The following GJD2 variants were observed in gnomAD, a reference collection of about 807,000 sequenced individuals.
GJD2 encodes gap junction delta-2 protein.
A neutral mutation model predicts 24.3 loss-of-function variants in GJD2; 12 were observed. The ratio of observed to expected loss-of-function variants is 0.49; its 90% CI spans 0.32 to 0.80. The LOEUF (loss-of-function observed/expected upper bound fraction) is 0.80. Among genes scored for constraint, GJD2 ranks in the 30% least tolerant of loss-of-function variants. The pLI, the probability that GJD2 is intolerant of heterozygous loss-of-function variation, is 0.04. For synonymous variants in GJD2, 171 were observed against 155.2 expected (o/e 1.10, Z -0.76); for missense variants, 268 against 402.4 (o/e 0.67, Z 2.86).
chr15:34,754,391 C>A lies in GJD2; in HGVS notation c.71+27G>T, dbSNP rs1891155049. 1 of 1,599,868 alleles carries A rather than the reference C, an allele frequency of 6.3e-7. No homozygotes were observed. Among genetic ancestry groups the A allele is most frequent in the African/African-American group, 1.3e-5 (1 of 74,640 alleles). ...CTCCCGGGGGCCGCCCGACGGGGCC[C>A]CCTGACCGCCGGCTTGGCGCCCTTA... On this transcript the variant is annotated intron_variant, in intron 1 of 1. Coordinates refer to ENST00000290374, the MANE Select transcript of GJD2 (RefSeq NM_020660.3). This position sits in a 1 kb window ranked among gnomAD's most constrained non-coding sequence, Gnocchi z 5.9.
At position 34,754,831 on chromosome 15, in the gene GJD2, G is replaced by A. The variant is rs1891160780; in HGVS notation, c.-343C>T. The A allele has an allele frequency of 8.1e-6, 2 of 246,460 alleles. No individual in the cohort carries two copies. The highest frequency in any genetic ancestry group is 1.6e-5 in the Non-Finnish European group (2 of 127,510). 15.3% of individuals were successfully genotyped at this position (246,460 alleles called of 1,614,324 possible). Reference sequence around the variant, plus strand: ...CCTGCAGGTCCTCCAGCGCTCGCCCGCCCAGGAGAAGTCTCAGCGCCGCTC... The same window carrying A: ...CCTGCAGGTCCTCCAGCGCTCGCCCACCCAGGAGAAGTCTCAGCGCCGCTC... On this transcript the variant is annotated 5_prime_UTR_variant, in exon 1 of 2. Transcript: ENST00000290374. This position sits in a 1 kb window ranked among gnomAD's most constrained non-coding sequence, Gnocchi z 5.9.
rs181347763 is a variant in GJD2 at position 34,752,171 on chromosome 15, A to G, written c.*307T>C. On this transcript the variant is annotated 3_prime_UTR_variant, in exon 2 of 2. Transcript: ENST00000290374. The stretch of plus-strand genomic sequence containing the variant: ...AAAGAGCTCAGCAGGGCTAAGTCCT[A>G]CTTGGTAGCTGTGCAAGTTCAGTGT... 183 of 368,126 alleles carry G rather than the reference A, an allele frequency of 5.0e-4. No individual in the cohort carries two copies. The highest frequency in any genetic ancestry group is 3.5e-3 in the African/African-American group (172 of 49,468). The allele number at this position is 368,126 out of a possible 1,614,324, so 22.8% of individuals were successfully genotyped here.
chr15:34,753,579 T>C (rs1333009769), intron 1 of GJD2, among the ~76,000 whole-genome samples: 1 of 152,172 alleles, frequency 6.6e-6, no homozygotes, highest in East Asian at 1.9e-4. Flanking sequence ...ATATTTCATA[T>C]TATAGAGATC....
At position 34,752,597 on chromosome 15, in the gene GJD2, C is replaced by A. The variant is rs1334045483; in HGVS notation, c.847G>T (p.Ala283Ser). ...CTCTTGGCCTGAGCCCCTCGCACAG[C>A]CAGCTTGATCTTGCGCCATCCCAGG... ...NHLGWRKIKL[A>S]VRGAQAKRKS... The change falls in exon 2 of 2, where the codon GCT (alanine) becomes TCT (serine). Residue 283 changes from alanine (A) to serine (S), a missense_variant. By Grantham distance (99) the Ala-to-Ser change is moderately conservative (BLOSUM62 1). Coordinates refer to ENST00000290374, the MANE Select transcript of GJD2 (RefSeq NM_020660.3). The A allele has an allele frequency of 1.2e-6, 2 of 1,614,126 alleles. No individual in the cohort carries two copies. Among genetic ancestry groups the A allele is most frequent in the Admixed American group, 1.7e-5 (1 of 60,014 alleles).
Position 34,754,678 on chromosome 15 carries a change from A to C in GJD2, c.-190T>G. ...TAAAAGAGAAGAAATGGGGAAAGAA[A>C]TCCAAGCGCGTCCCGACCGATGGGG... On this transcript the variant is annotated 5_prime_UTR_variant, in exon 1 of 2. Coordinates refer to ENST00000290374, the MANE Select transcript of GJD2 (RefSeq NM_020660.3). The surrounding 1 kb of genome is among the most constrained non-coding windows in gnomAD (Gnocchi z 5.9). 3.4e-6 allele frequency: 2 copies of C among 583,380 alleles called. No individual in the cohort carries two copies. Among genetic ancestry groups the C allele is most frequent in the Non-Finnish European group, 3.1e-6 (1 of 318,232 alleles). The allele number at this position is 583,380 out of a possible 1,614,324, so 36.1% of individuals were successfully genotyped here. A position where few individuals can be genotyped will look rare whatever the true frequency, so the allele number is the denominator to read the frequency against.
In GJD2 at chr15:34,752,916, T is replaced by C. The variant is rs140199581; in HGVS notation, c.528A>G (p.Pro176=). 100 of 1,614,144 alleles carry C rather than the reference T, an allele frequency of 6.2e-5. No homozygotes were observed. In the African/African-American group the frequency reaches 9.9e-4, roughly 16 times the overall value. The change falls in exon 2 of 2, where the codon CCA becomes CCG. Residue 176 remains proline (P), a synonymous_variant. Transcript: ENST00000290374. ...PDCLEVKELT[P]HPSGLRTASK... ...ATGCAGTGCGTAGACCTGATGGGTG[T>C]GGAGTCAGCTCCTTAACCTCTAAAC... is the stretch of plus-strand genomic sequence containing the variant.
rs779276306 is a variant in GJD2 at position 34,751,034 on chromosome 15, T to G, written c.*1444A>C. Reference sequence around the variant, plus strand: ...TCAAAAAGTGCAGACTCTTCCCATTTTACAAAAAAAGGCAAGAACTTTATT... The same window carrying G: ...TCAAAAAGTGCAGACTCTTCCCATTGTACAAAAAAAGGCAAGAACTTTATT... On this transcript the variant is annotated 3_prime_UTR_variant, in exon 2 of 2. Coordinates refer to ENST00000290374, the MANE Select transcript of GJD2 (RefSeq NM_020660.3). The G allele has an allele frequency of 6.6e-6, 1 of 152,170 alleles. No individual in the cohort carries two copies. Among genetic ancestry groups the G allele is most frequent in the Non-Finnish European group, 1.5e-5 (1 of 68,016 alleles). 9.4% of individuals were successfully genotyped at this position (152,170 alleles called of 1,614,324 possible). A position where few individuals can be genotyped will look rare whatever the true frequency, so the allele number is the denominator to read the frequency against.
In GJD2 at chr15:34,752,255, T is replaced by C; in HGVS notation, c.*223A>G. The C allele has an allele frequency of 1.8e-6, 1 of 566,492 alleles. No individual in the cohort carries two copies. The highest frequency in any genetic ancestry group is 2.3e-5 in the South Asian group (1 of 43,508). The allele number at this position is 566,492 out of a possible 1,614,324, so 35.1% of individuals were successfully genotyped here. On this transcript the variant is annotated 3_prime_UTR_variant, in exon 2 of 2. Coordinates refer to ENST00000290374, the MANE Select transcript of GJD2 (RefSeq NM_020660.3). ...GACCAAAGAAGTCTAATTGATCCAT[T>C]TCATCACTCTACCCAATCGTCTCTG...
In GJD2 at chr15:34,751,089, C is replaced by A. The variant is rs1269633598; in HGVS notation, c.*1389G>T. The A allele has an allele frequency of 6.6e-6, 1 of 152,128 alleles. No individual in the cohort carries two copies. Among genetic ancestry groups the A allele is most frequent in the South Asian group, 2.1e-4 (1 of 4,830 alleles). The allele number at this position is 152,128 out of a possible 1,614,324, so 9.4% of individuals were successfully genotyped here. A position where few individuals can be genotyped will look rare whatever the true frequency, so the allele number is the denominator to read the frequency against. Reference sequence around the variant, plus strand: ...ACAAATCCTTAGTTGTGTGTTACACCATGTCCATATCTAAATCAAAAATGA... The same window carrying A: ...ACAAATCCTTAGTTGTGTGTTACACAATGTCCATATCTAAATCAAAAATGA... On this transcript the variant is annotated 3_prime_UTR_variant, in exon 2 of 2. Transcript: ENST00000290374.
chr15:34,753,470 T>G (rs1891141522), intron 1 of GJD2, 98 bp from the exon 2 acceptor site: 1 of 1,121,738 alleles, frequency 8.9e-7, no homozygotes, highest in Admixed American at 2.4e-5. Context: ...TTTACCAGTC[T>G]TTTGACTGGG....
intron 1 of GJD2, 103 bp from the exon 2 acceptor site, chr15:34,753,475 A>C: frequency 9.4e-7 from 1 of 1,060,146 alleles, no homozygotes; most frequent in East Asian, 2.5e-5. Context: ...CAGTCTTTTG[A>C]CTGGGGAGCT....
At chr15:34,753,394 G>C (rs1891140505) in intron 1 of GJD2, 22 bp from the exon 2 acceptor site, 2 of 1,569,922 alleles carry the variant, frequency 1.3e-6, no homozygotes, top group African/African-American at 2.7e-5. Context: ...AAGAGGGAGG[G>C]AGAGAGGTTC....
In GJD2 at chr15:34,754,417, C is replaced by A. The variant is rs1891155519; in HGVS notation, c.71+1G>T. On this transcript the variant is annotated splice_donor_variant, in intron 1 of 1. Coordinates refer to ENST00000290374, the MANE Select transcript of GJD2 (RefSeq NM_020660.3). LOFTEE classifies it high-confidence loss of function. The surrounding 1 kb of genome is among the most constrained non-coding windows in gnomAD (Gnocchi z 5.9). ...CCTGACCGCCGGCTTGGCGCCCTTA[C>A]CTCCCGATCATAGTGGAGTGCTGCT... 1 of 1,613,346 alleles carries A rather than the reference C, an allele frequency of 6.2e-7. No individual in the cohort carries two copies. Among genetic ancestry groups the A allele is most frequent in the African/African-American group, 1.3e-5 (1 of 75,020 alleles).
Position 34,752,304 on chromosome 15 carries a change from A to C in GJD2, c.*174T>G. On this transcript the variant is annotated 3_prime_UTR_variant, in exon 2 of 2. Coordinates refer to ENST00000290374, the MANE Select transcript of GJD2 (RefSeq NM_020660.3). ...TGTAGAACCAATTAGGTGATATGTGAAAATGGGTCCACTTTTCCTCCTTTC... is the reference window on the plus strand; with the variant it reads ...TGTAGAACCAATTAGGTGATATGTGCAAATGGGTCCACTTTTCCTCCTTTC... 1 of 614,382 alleles carries C rather than the reference A, an allele frequency of 1.6e-6. No homozygotes were observed. Among genetic ancestry groups the C allele is most frequent in the South Asian group, 2.0e-5 (1 of 49,032 alleles). 38.1% of individuals were successfully genotyped at this position (614,382 alleles called of 1,614,324 possible).
In GJD2 at chr15:34,753,228, G is replaced by C. The variant is rs541884751; in HGVS notation, c.216C>G (p.Pro72=). Residue 72 remains proline, a synonymous_variant, in exon 2 of 2, where the codon CCC becomes CCG. Coordinates refer to ENST00000290374, the MANE Select transcript of GJD2 (RefSeq NM_020660.3). ...CNQACYDRAF[P]ISHIRYWVFQ... Reference sequence around the variant, plus strand: ...AGACCCAGTAACGTATGTGGGAGATGGGGAAGGCGCGGTCATAGCAGGCCT... The same window carrying C: ...AGACCCAGTAACGTATGTGGGAGATCGGGAAGGCGCGGTCATAGCAGGCCT... The C allele has an allele frequency of 1.9e-6, 3 of 1,614,136 alleles. No individual in the cohort carries two copies. The African/African-American group carries it at 4.0e-5, about 22-fold the overall frequency.
Position 34,751,389 on chromosome 15 carries a change from A to ATGTGTGTGTGTGTCTG in GJD2, c.*1088_*1089insCAGACACACACACACA. On this transcript the variant is annotated 3_prime_UTR_variant, in exon 2 of 2. Transcript: ENST00000290374. ...CCAGTAATTTTGTATGTGTGTCTGT[A>ATGTGTGTGTGTGTCTG]TATGTGTGTGTGTTTCAAAGAGTAA... 1.3e-5 allele frequency: 2 copies of ATGTGTGTGTGTGTCTG among 152,294 alleles called. No individual in the cohort carries two copies. The highest frequency in any genetic ancestry group is 3.9e-4 in the East Asian group (2 of 5,188). The allele number at this position is 152,294 out of a possible 1,614,324, so 9.4% of individuals were successfully genotyped here. A position where few individuals can be genotyped will look rare whatever the true frequency, so the allele number is the denominator to read the frequency against.
Position 34,753,043 on chromosome 15 carries a change from C to T in GJD2, c.401G>A (p.Gly134Asp). ...IGGPGGTGGG[G>D]SGGGKREDKK... ...ATCTTCTCGTTTGCCCCCACCACTGCCCCCACCCCCAGTTCCTCCAGGACC... is the reference window on the plus strand; with the variant it reads ...ATCTTCTCGTTTGCCCCCACCACTGTCCCCACCCCCAGTTCCTCCAGGACC... Residue 134 changes from glycine (G) to aspartate (D), a missense_variant, in exon 2 of 2, where the codon GGC becomes GAC. By Grantham distance (94) the Gly-to-Asp change is moderately conservative (BLOSUM62 -1). Coordinates refer to ENST00000290374, the MANE Select transcript of GJD2 (RefSeq NM_020660.3). 1 of 1,614,030 alleles carries T rather than the reference C, an allele frequency of 6.2e-7. No homozygotes were observed. Among genetic ancestry groups the T allele is most frequent in the Non-Finnish European group, 8.5e-7 (1 of 1,179,964 alleles).
At position 34,752,469 on chromosome 15, in the gene GJD2, C is replaced by A. The variant is rs955978248; in HGVS notation, c.*9G>T. 1 of 1,609,794 alleles carries A rather than the reference C, an allele frequency of 6.2e-7. No individual in the cohort carries two copies. ...TGCCATCCCCCAGACCTTCATGAAACCTGCCCTCTCACACATAGGCAGAGT... is the reference window on the plus strand; with the variant it reads ...TGCCATCCCCCAGACCTTCATGAAAACTGCCCTCTCACACATAGGCAGAGT... On this transcript the variant is annotated 3_prime_UTR_variant, in exon 2 of 2. Transcript: ENST00000290374.
Position 34,754,640 on chromosome 15 carries a change from C to T in GJD2, c.-152G>A. The T allele has an allele frequency of 6.2e-6, 4 of 646,578 alleles. No individual in the cohort carries two copies. Among genetic ancestry groups the T allele is most frequent in the Non-Finnish European group, 5.7e-6 (2 of 352,644 alleles). The allele number at this position is 646,578 out of a possible 1,614,324, so 40.1% of individuals were successfully genotyped here. ...TAAAAAATCCTCGAATCCCCCTTTC[C>T]TTTTATTGTACTTAAAAGAGAAGAA... On this transcript the variant is annotated 5_prime_UTR_variant, in exon 1 of 2. Transcript: ENST00000290374. The surrounding 1 kb of genome is among the most constrained non-coding windows in gnomAD (Gnocchi z 5.9).
Sources: allele counts gnomAD v4.1 joint callset (sites outside exome capture counted in the v4.1 genomes callset), GRCh38; gene constraint gnomAD v4.1.1; non-coding constraint Gnocchi (gnomAD v3.1); transcripts MANE v1.5; gene names NCBI Gene and HGNC (gene_info 2026-07-23, HGNC 2026-07-21).